The following SLC39A11 variants were observed in gnomAD, a reference collection of about 807,000 sequenced individuals.
SLC39A11 encodes zinc transporter ZIP11.
A neutral mutation model predicts 36.1 loss-of-function variants in SLC39A11; 33 were observed. The observed-to-expected ratio is 0.91, with a 90% CI of 0.69 to 1.22. The LOEUF (loss-of-function observed/expected upper bound fraction) is 1.22. SLC39A11 is among the 50% of genes most tolerant of loss of function. The pLI, the probability that SLC39A11 is intolerant of heterozygous loss-of-function variation, is 0.00. For missense variants in SLC39A11, 432 were observed against 430.3 expected, an observed-to-expected ratio of 1.00 and a Z score of -0.03; for synonymous variants, 166 against 170.3, an observed-to-expected ratio of 0.97 and a Z score of 0.20.
intron 3 of SLC39A11, among the ~76,000 whole-genome samples, chr17:73,047,303 C>T (rs951599685): frequency 1.3e-5 from 2 of 151,978 alleles, no homozygotes; most frequent in South Asian, 2.1e-4. Context: ...GGATTACAGG[C>T]GTGAGCCACC....
chr17:73,057,749 C>T (rs988168307), intron 3 of SLC39A11, among the ~76,000 whole-genome samples: 3 of 152,130 alleles, frequency 2.0e-5, no homozygotes, highest in Admixed American at 6.6e-5. Context: ...ACCAGCCTGG[C>T]GAACATGGTG....
chr17:72,930,680 C>T (rs908541182), intron 5 of SLC39A11, among the ~76,000 whole-genome samples: 1 of 152,152 alleles, frequency 6.6e-6, no homozygotes, highest in African/African-American at 2.4e-5. Flanking sequence ...AGAAGGGTGG[C>T]CTCAAGGAGA....
intron 7 of SLC39A11, among the ~76,000 whole-genome samples, chr17:72,678,393 A>T (rs1202332532): frequency 6.6e-6 from 1 of 152,062 alleles, no homozygotes; most frequent in Admixed American, 6.6e-5. Context: ...GGCTGGAGGG[A>T]TGTTCTCCTT....
chr17:72,866,896 T>G (rs2080330367), intron 5 of SLC39A11, among the ~76,000 whole-genome samples: 1 of 152,200 alleles, frequency 6.6e-6, no homozygotes, highest in Non-Finnish European at 1.5e-5. Flanking sequence ...AAATCCCCCA[T>G]AGATTCTAAG....
intron 3 of SLC39A11, among the ~76,000 whole-genome samples, chr17:73,063,746 T>C (rs1337086084): frequency 6.6e-6 from 1 of 152,200 alleles, no homozygotes; most frequent in Non-Finnish European, 1.5e-5. Flanking sequence ...ATAATAATAT[T>C]TGGGGCTCCT....
intron 3 of SLC39A11, chr17:73,073,700 G>T (rs1484638949): frequency 6.6e-6 from 1 of 152,138 alleles, no homozygotes; most frequent in Non-Finnish European, 1.5e-5. Context: ...CCAAGGTCAG[G>T]CCTAGGAAGT....
chr17:72,716,992 T>TACAC (rs367641582), intron 7 of SLC39A11, among the ~76,000 whole-genome samples: 1,592 of 126,394 alleles, frequency 0.013, 21 homozygotes, highest in Middle Eastern at 0.041. Context: ...TATATATATA[T>TACAC]ACACACACAC....
At chr17:72,774,369 C>G (rs1270187670) in intron 6 of SLC39A11, among the ~76,000 whole-genome samples, 1 of 152,160 alleles carries the variant, frequency 6.6e-6, no homozygotes, top group Non-Finnish European at 1.5e-5. Context: ...GCTCACCTTG[C>G]CTCCCTAGAA....
chr17:73,049,035 A>C lies in SLC39A11; in HGVS notation c.148-17321T>G, dbSNP rs370634046. Among the ~76,000 whole-genome samples, 90 of 152,284 alleles carry C rather than the reference A, an allele frequency of 5.9e-4. 1 individual carries two copies. The East Asian group carries it at 0.015, about 25-fold the overall frequency. ...CCAGGGGTCCCTCGGCGATGCTGTA[A>C]GTTTCAGTCCAATTCAATGCTATGT... On this transcript the variant is annotated intron_variant, in intron 3 of 9. Coordinates refer to ENST00000255559, the MANE Select transcript of SLC39A11 (RefSeq NM_139177.4).
intron 7 of SLC39A11, among the ~76,000 whole-genome samples, chr17:72,723,637 G>T (rs566611677): frequency 6.6e-6 from 1 of 152,272 alleles, no homozygotes; most frequent in East Asian, 1.9e-4. Context: ...CTTTTCGAAT[G>T]ACTTCCGTTG....
chr17:72,727,729 T>C (rs1246893638), intron 7 of SLC39A11, among the ~76,000 whole-genome samples: 1 of 149,302 alleles, frequency 6.7e-6, no homozygotes, highest in Admixed American at 6.7e-5. Context: ...TGGCTGAGAG[T>C]CTTCCTAATT....
At chr17:72,909,926 AT>A (rs934808309) in intron 5 of SLC39A11, among the ~76,000 whole-genome samples, 10 of 148,136 alleles carry the variant, frequency 6.8e-5, no homozygotes, top group African/African-American at 9.9e-5. Flanking sequence ...TTTTTTTTGT[AT>A]TTTTTTAGTA....
At chr17:72,871,648 G>A (rs2146384894) in intron 5 of SLC39A11, among the ~76,000 whole-genome samples, 1 of 152,274 alleles carries the variant, frequency 6.6e-6, no homozygotes, top group East Asian at 1.9e-4. Context: ...GACATGTGGG[G>A]TGCTGGAAGG....
chr17:72,653,413 T>G (rs1230807840), intron 7 of SLC39A11, among the ~76,000 whole-genome samples: 4 of 149,448 alleles, frequency 2.7e-5, no homozygotes, highest in African/African-American at 9.9e-5. Flanking sequence ...CCTTTTTTTT[T>G]GTTTTGGTTT....
chr17:72,738,993 G>A (rs2074553274), intron 6 of SLC39A11, among the ~76,000 whole-genome samples: 2 of 152,130 alleles, frequency 1.3e-5, no homozygotes, highest in Admixed American at 1.3e-4. Flanking sequence ...GTCCGCAATG[G>A]GGTCTGGAGC....
At chr17:72,744,667 G>A (rs998498778) in intron 6 of SLC39A11, among the ~76,000 whole-genome samples, 12 of 152,042 alleles carry the variant, frequency 7.9e-5, no homozygotes, top group Admixed American at 2.0e-4. Flanking sequence ...TCACAGACTG[G>A]GGGTTCCTTG....
chr17:73,011,137 A>G (rs889179315), intron 4 of SLC39A11, among the ~76,000 whole-genome samples: 3 of 152,228 alleles, frequency 2.0e-5, no homozygotes, highest in Admixed American at 6.5e-5. Flanking sequence ...AGGAAAGTAC[A>G]AAATGAAACC....
intron 4 of SLC39A11, among the ~76,000 whole-genome samples, chr17:73,012,688 C>T (rs777998234): frequency 6.6e-6 from 1 of 152,090 alleles, no homozygotes; most frequent in Non-Finnish European, 1.5e-5. Flanking sequence ...CTGCCCTTGC[C>T]CCCTGTTCTC....
chr17:72,706,902 G>A (rs2072914384), intron 7 of SLC39A11, among the ~76,000 whole-genome samples: 1 of 152,148 alleles, frequency 6.6e-6, no homozygotes, highest in Non-Finnish European at 1.5e-5. Context: ...GTATTTGAAA[G>A]TTCTCCACTT....
Sources: gnomAD v4.1 joint callset for allele counts (sites outside exome capture counted in the v4.1 genomes callset) on GRCh38, gnomAD v4.1.1 for gene constraint, MANE v1.5 for transcripts, NCBI Gene and HGNC (gene_info 2026-07-23, HGNC 2026-07-21) for gene names.